The following SYN2 variants were observed in gnomAD, a reference collection of about 807,000 sequenced individuals.
The protein encoded by SYN2 is synapsin II.
Under a neutral mutation model 50.9 loss-of-function variants are expected in SYN2, and 19 were observed. The ratio of observed to expected loss-of-function variants is 0.37; its 90% confidence interval spans 0.26 to 0.55. The LOEUF is 0.55. Among genes scored for constraint, SYN2 ranks in the 20% least tolerant of loss-of-function variants. The probability of loss-of-function intolerance (pLI) is 0.81; values close to 1 mark genes in which losing one functional copy is unlikely to be tolerated. For synonymous variants in SYN2, 255 were observed against 224.9 expected, an observed-to-expected ratio of 1.13 and a Z score of -1.20; for missense variants, 587 against 576.4, an observed-to-expected ratio of 1.02 and a Z score of -0.19.
chr3:12,185,404 G>A, intron 11 of SYN2: 1 of 985,810 alleles, frequency 1.0e-6, no homozygotes, highest in Non-Finnish European at 1.2e-6. Flanking sequence ...TCAGGCTACA[G>A]GGTGGTGTCA....
intron 1 of SYN2, among the ~76,000 whole-genome samples, chr3:12,088,565 A>G (rs557695346): frequency 3.2e-4 from 48 of 152,348 alleles, no homozygotes; most frequent in South Asian, 1.0e-3. Context: ...AGGATTTGCA[A>G]TCAGTATGTC....
chr3:12,010,778 C>A (rs307566), intron 1 of SYN2, among the ~76,000 whole-genome samples: 20 of 152,346 alleles, frequency 1.3e-4, no homozygotes, highest in Middle Eastern at 3.4e-3. Context: ...CAGAGACATA[C>A]GTCAATAAAT....
At chr3:12,072,519 C>G (rs974871021) in intron 1 of SYN2, among the ~76,000 whole-genome samples, 10 of 152,224 alleles carry the variant, frequency 6.6e-5, no homozygotes, top group African/African-American at 2.2e-4. Context: ...AAATAGTGGT[C>G]TAAATTCATT....
In SYN2 at chr3:12,057,456, A is replaced by G. The variant is rs1337134088; in HGVS notation, c.377+52528A>G. 4.6e-5 allele frequency among the ~76,000 whole-genome samples: 7 copies of G among 152,208 alleles called. 1 individual carries two copies. Among genetic ancestry groups the G allele is most frequent in the South Asian group, 2.1e-4 (1 of 4,834 alleles). ...GAAGTCCTAGAACAATCTTAAACAT[A>G]TAAAAATTAGGCTACAGGAAGGGAT... On this transcript the variant is annotated intron_variant, in intron 1 of 12. Coordinates refer to ENST00000621198, the MANE Select transcript of SYN2 (RefSeq NM_133625.6).
chr3:12,070,559 C>T (rs1404187051), intron 1 of SYN2: 9 of 1,176,866 alleles, frequency 7.6e-6, no homozygotes, highest in South Asian at 1.2e-5. Context: ...TGACGGAGGC[C>T]CTTGTGAACC....
chr3:12,143,914 AG>A (rs1486816379), intron 3 of SYN2, among the ~76,000 whole-genome samples: 2 of 152,226 alleles, frequency 1.3e-5, no homozygotes. Context: ...ACGATGTAAA[AG>A]CTTAAGTCCT....
chr3:12,060,196 G>A (rs950353052), intron 1 of SYN2, among the ~76,000 whole-genome samples: 1 of 152,182 alleles, frequency 6.6e-6, no homozygotes, highest in Non-Finnish European at 1.5e-5. Context: ...TCCTGGGTCT[G>A]TAGTCTTAAC....
chr3:12,162,291 A>G, intron 7 of SYN2, 137 bp downstream of exon 7: 1 of 1,059,946 alleles, frequency 9.4e-7, no homozygotes, highest in Non-Finnish European at 1.3e-6. Context: ...TTTAAGTCAG[A>G]GGAGGGGTCT....
intron 1 of SYN2, among the ~76,000 whole-genome samples, chr3:12,060,560 T>TA (rs767713092): frequency 5.9e-5 from 9 of 152,126 alleles, no homozygotes; most frequent in Non-Finnish European, 1.2e-4. Context: ...CCCAACATCT[T>TA]ACCACCACAC....
In SYN2 at chr3:12,167,290, A is replaced by G. The variant is rs778134911; in HGVS notation, c.1037A>G (p.Gln346Arg). The change falls in exon 8 of 13, where the codon CAG (glutamine) becomes CGG (arginine). Residue 346 changes from glutamine (Q) to arginine (R), a missense_variant. Transcript: ENST00000621198. ...AACACTGGCTCTGCGATGCTGGAGCAGATTGCCATGTCAGACAGGTGAGTT... is the reference window on the plus strand; with the variant it reads ...AACACTGGCTCTGCGATGCTGGAGCGGATTGCCATGTCAGACAGGTGAGTT... ...KTNTGSAMLE[Q>R]IAMSDRYKLW... 4 of 1,612,754 alleles carry G rather than the reference A, an allele frequency of 2.5e-6. No individual in the cohort carries two copies. In the Admixed American group the frequency reaches 5.0e-5, roughly 20 times the overall value.
intron 1 of SYN2, among the ~76,000 whole-genome samples, chr3:12,057,088 TC>T (rs1468322237): frequency 6.6e-6 from 1 of 152,012 alleles, no homozygotes; most frequent in African/African-American, 2.4e-5. Flanking sequence ...GGTCAGGAGT[TC>T]AAGACCAACT....
chr3:12,013,652 A>G (rs1374802151), intron 1 of SYN2, among the ~76,000 whole-genome samples: 1 of 152,128 alleles, frequency 6.6e-6, no homozygotes, highest in East Asian at 1.9e-4. Flanking sequence ...TCAAGTTCTC[A>G]TTAACTTTCA....
chr3:12,112,214 A>G (rs951878382), intron 1 of SYN2, among the ~76,000 whole-genome samples: 1 of 152,080 alleles, frequency 6.6e-6, no homozygotes, highest in Non-Finnish European at 1.5e-5. Context: ...GTAAAATATC[A>G]TGCTACAGTT....
At chr3:12,106,439 G>A (rs1002605327) in intron 1 of SYN2, among the ~76,000 whole-genome samples, 1 of 152,098 alleles carries the variant, frequency 6.6e-6, no homozygotes, top group African/African-American at 2.4e-5. Context: ...GGGGGAATCT[G>A]GGACCATTTT....
chr3:12,056,818 A>G (rs528118468), intron 1 of SYN2, among the ~76,000 whole-genome samples: 107 of 152,302 alleles, frequency 7.0e-4, no homozygotes, highest in African/African-American at 2.5e-3. Flanking sequence ...CCTAGTGTCT[A>G]TAGTATCTAG....
intron 1 of SYN2, among the ~76,000 whole-genome samples, chr3:12,041,532 T>C (rs1488615044): frequency 1.3e-5 from 2 of 152,208 alleles, no homozygotes; most frequent in Non-Finnish European, 2.9e-5. Flanking sequence ...GTTTAAGAAG[T>C]AAGCAGCTTT....
chr3:12,128,040 G>A (rs1464355079), intron 1 of SYN2, among the ~76,000 whole-genome samples: 1 of 150,122 alleles, frequency 6.7e-6, no homozygotes, highest in Non-Finnish European at 1.5e-5. Context: ...CAACATCCCA[G>A]GCTGAAGCGA....
At chr3:12,157,703 G>A (rs1005197066) in intron 5 of SYN2, among the ~76,000 whole-genome samples, 5 of 152,128 alleles carry the variant, frequency 3.3e-5, no homozygotes, top group African/African-American at 7.2e-5. Flanking sequence ...TCCTATAACC[G>A]CTAAGCTGTT....
chr3:12,091,706 G>A (rs1345203327), intron 1 of SYN2, among the ~76,000 whole-genome samples: 1 of 152,184 alleles, frequency 6.6e-6, no homozygotes, highest in Non-Finnish European at 1.5e-5. Context: ...TGTCAAAATA[G>A]TTAAGCCTCA....
Sources: gnomAD v4.1 joint callset for allele counts (sites outside exome capture counted in the v4.1 genomes callset) on GRCh38, gnomAD v4.1.1 for gene constraint, MANE v1.5 for transcripts, NCBI Gene and HGNC (gene_info 2026-07-23, HGNC 2026-07-21) for gene names.